The following TMOD3 variants were observed in gnomAD, a reference collection of about 807,000 sequenced individuals.
The protein encoded by TMOD3 is tropomodulin 3, also known as tropomodulin-3.
TMOD3 carries 20 observed loss-of-function variants against 39.2 expected under a neutral mutation model. The ratio of observed to expected loss-of-function variants is 0.51; its 90% CI spans 0.36 to 0.74. TMOD3 has a LOEUF of 0.74. Among genes scored for constraint, TMOD3 ranks in the 30% least tolerant of loss-of-function variants. TMOD3 has a pLI of 0.00. For missense variants in TMOD3, 381 were observed against 412.8 expected, an observed-to-expected ratio of 0.92 and a Z score of 0.67; for synonymous variants, 143 against 145.8, an observed-to-expected ratio of 0.98 and a Z score of 0.14.
At chr15:51,834,682 T>C (rs898345801) in intron 1 of TMOD3, among the ~76,000 whole-genome samples, 1 of 152,102 alleles carries the variant, frequency 6.6e-6, no homozygotes, top group African/African-American at 2.4e-5. Context: ...AATACAAAAA[T>C]TAGCCGGAAG....
intron 1 of TMOD3, among the ~76,000 whole-genome samples, chr15:51,837,071 G>GAGAT (rs1555465054): frequency 6.6e-6 from 1 of 150,618 alleles, no homozygotes; most frequent in South Asian, 2.1e-4. Flanking sequence ...GGCTGGGTTT[G>GAGAT]ATATATATAT....
chr15:51,914,402 C>A lies in TMOD3; in HGVS notation c.*5592C>A, dbSNP rs1418340940. ...TGTAATGGCCGGGTGCAGTGGCTCA[C>A]ACTTGTAATCCCAGCACTGTGGAGG... On this transcript the variant is annotated 3_prime_UTR_variant, in exon 10 of 10. Coordinates refer to ENST00000308580, the MANE Select transcript of TMOD3 (RefSeq NM_014547.5). 1.3e-5 allele frequency: 2 copies of A among 152,160 alleles called. No individual in the cohort carries two copies. The highest frequency in any genetic ancestry group is 4.8e-5 in the African/African-American group (2 of 41,426). 9.4% of individuals were successfully genotyped at this position (152,160 alleles called of 1,614,324 possible).
intron 1 of TMOD3, among the ~76,000 whole-genome samples, chr15:51,840,268 T>C (rs1377307129): frequency 6.6e-6 from 1 of 152,230 alleles, no homozygotes; most frequent in African/African-American, 2.4e-5. Context: ...TCCAACTCTC[T>C]CAGTCTCTGC....
rs769931590 is a variant in TMOD3, at chr15:51,900,253, G to A, written c.834G>A (p.Ala278=). The A allele has an allele frequency of 1.5e-5, 25 of 1,614,056 alleles. No homozygotes were observed. Among genetic ancestry groups the A allele is most frequent in the Admixed American group, 5.0e-5 (3 of 59,994 alleles). ...TGVGILALID[A]LRDNETLAEL... Reference sequence around the variant, plus strand: ...TTGGGATTCTGGCACTGATTGATGCGTTAAGAGATAATGAAACCCTGGCAG... The same window carrying A: ...TTGGGATTCTGGCACTGATTGATGCATTAAGAGATAATGAAACCCTGGCAG... Residue 278 remains alanine, a synonymous_variant, in exon 8 of 10, where the codon GCG becomes GCA. Coordinates refer to ENST00000308580, the MANE Select transcript of TMOD3 (RefSeq NM_014547.5).
chr15:51,862,215 CAT>C (rs1305380624), intron 1 of TMOD3, among the ~76,000 whole-genome samples: 1 of 152,196 alleles, frequency 6.6e-6, no homozygotes, highest in African/African-American at 2.4e-5. Flanking sequence ...CAGTGGATGA[CAT>C]ATCCCAGCAT....
At chr15:51,902,751 G>A (rs1432279667) in intron 9 of TMOD3, among the ~76,000 whole-genome samples, 46 of 144,466 alleles carry the variant, frequency 3.2e-4, no homozygotes, top group Admixed American at 2.9e-3. Flanking sequence ...CCAGGTTCAC[G>A]CCATTCTCCT....
intron 1 of TMOD3, chr15:51,860,373 A>C (rs1342510619): frequency 3.7e-6 from 2 of 543,530 alleles, no homozygotes; most frequent in East Asian, 1.0e-4. Flanking sequence ...CTCCACATCC[A>C]TGTTGGCTTT....
Position 51,912,925 on chromosome 15 carries a change from C to T in TMOD3, c.*4115C>T, listed in dbSNP as rs1354449112. The T allele has an allele frequency of 2.0e-5, 3 of 152,116 alleles. No homozygotes were observed. The highest frequency in any genetic ancestry group is 3.8e-4 in the East Asian group (2 of 5,196). The allele number at this position is 152,116 out of a possible 1,614,324, so 9.4% of individuals were successfully genotyped here. ...TTTGCTTACCAACAAATCAAAGAAA[C>T]GCTTCACTAATTATTTTTAAATTGA... is the stretch of plus-strand genomic sequence containing the variant. On this transcript the variant is annotated 3_prime_UTR_variant, in exon 10 of 10. Coordinates refer to ENST00000308580, the MANE Select transcript of TMOD3 (RefSeq NM_014547.5).
chr15:51,839,143 G>A lies in TMOD3; in HGVS notation c.-75+9307G>A, dbSNP rs1484280235. On this transcript the variant is annotated intron_variant, in intron 1 of 9. Coordinates refer to ENST00000308580, the MANE Select transcript of TMOD3 (RefSeq NM_014547.5). ...GTTCCCTGCATCTGGCAGATTGACA[G>A]CTAAGAAATAGGTGTATCTCTCTTT... 4.5e-5 allele frequency among the ~76,000 whole-genome samples: 5 copies of A among 112,024 alleles called. No individual in the cohort carries two copies. The East Asian group carries it at 1.3e-3, about 29-fold the overall frequency. The allele number at this position is 112,024 out of a possible 152,430, so 73.5% of individuals were successfully genotyped here.
chr15:51,835,411 G>C (rs563361376), intron 1 of TMOD3, among the ~76,000 whole-genome samples: 1 of 152,034 alleles, frequency 6.6e-6, no homozygotes, highest in Non-Finnish European at 1.5e-5. Context: ...CAAGCAGTCC[G>C]TCAGCCTCAG....
chr15:51,873,905 GC>G (rs1209203605), intron 3 of TMOD3, among the ~76,000 whole-genome samples: 1 of 152,152 alleles, frequency 6.6e-6, no homozygotes, highest in Non-Finnish European at 1.5e-5. Context: ...TACAGGTGGA[GC>G]CACTGCACCT....
At chr15:51,868,852 A>G (rs916972768) in intron 2 of TMOD3, among the ~76,000 whole-genome samples, 1 of 152,266 alleles carries the variant, frequency 6.6e-6, no homozygotes, top group South Asian at 2.1e-4. Flanking sequence ...GGCGCCTGTA[A>G]TCCCAGCTAC....
At chr15:51,899,429 G>A (rs975706318) in intron 7 of TMOD3, among the ~76,000 whole-genome samples, 1 of 152,190 alleles carries the variant, frequency 6.6e-6, no homozygotes. Context: ...ACTTGGGGAA[G>A]CCGAGGTGGG....
At chr15:51,906,596 G>C (rs2056682030) in intron 9 of TMOD3, among the ~76,000 whole-genome samples, 1 of 152,044 alleles carries the variant, frequency 6.6e-6, no homozygotes, top group Non-Finnish European at 1.5e-5. Context: ...CCATTTTCTA[G>C]ACCTTTTTTG....
intron 1 of TMOD3, chr15:51,861,300 G>A (rs533217344): frequency 2.5e-5 from 9 of 354,952 alleles, no homozygotes; most frequent in Admixed American, 9.9e-5. Context: ...CATGAGGTCC[G>A]AACTCTACAA....
chr15:51,873,302 C>G (rs1167646929), intron 3 of TMOD3, among the ~76,000 whole-genome samples: 1 of 152,200 alleles, frequency 6.6e-6, no homozygotes, highest in Non-Finnish European at 1.5e-5. Context: ...TCCTATGACT[C>G]TGCCCTGAAC....
intron 1 of TMOD3, among the ~76,000 whole-genome samples, chr15:51,838,519 A>G (rs1424650665): frequency 6.6e-6 from 1 of 152,136 alleles, no homozygotes; most frequent in Non-Finnish European, 1.5e-5. Context: ...ACTGGTACCC[A>G]GAGCAGACAC....
rs376599611 is a variant in TMOD3, at chr15:51,902,052, G to A, written c.1024+16G>A. 603 of 1,610,928 alleles carry A rather than the reference G, an allele frequency of 3.7e-4. No individual in the cohort carries two copies. Among genetic ancestry groups the A allele is most frequent in the Middle Eastern group, 6.6e-4 (4 of 6,078 alleles). On this transcript the variant is annotated intron_variant, in intron 9 of 9. Transcript: ENST00000308580. ...AATGACTTAGGTAAGACATAGTATC[G>A]ATCAAGTTTCTGAGTTCTATCACAA...
chr15:51,860,882 G>A (rs981280447), intron 1 of TMOD3: 2 of 392,076 alleles, frequency 5.1e-6, no homozygotes, highest in African/African-American at 4.2e-5. Context: ...GTTGCAGTGA[G>A]CCGAGGTCAT....
Sources: gnomAD v4.1 joint callset for allele counts (sites outside exome capture counted in the v4.1 genomes callset) on GRCh38, gnomAD v4.1.1 for gene constraint, MANE v1.5 for transcripts, NCBI Gene and HGNC (gene_info 2026-07-23, HGNC 2026-07-21) for gene names.